CCN6: variants seen among roughly 807,000 people sequenced by gnomAD.
The protein encoded by CCN6 is CCN family member 6.
A neutral mutation model predicts 37.4 loss-of-function variants in CCN6; 31 were observed. That is an observed-to-expected ratio of 0.83 (90% CI 0.62 to 1.12). The LOEUF is 1.12. Among genes scored for constraint, CCN6 ranks in the 50% most tolerant of loss-of-function variants. CCN6 has a pLI of 0.00. For missense variants in CCN6, 369 were observed against 413.8 expected, an observed-to-expected ratio of 0.89 and a Z score of 0.94; for synonymous variants, 137 against 142.1, an observed-to-expected ratio of 0.96 and a Z score of 0.26.
chr6:112,060,180 G>A lies in CCN6; in HGVS notation c.49-811G>A, dbSNP rs587677218. The A allele has an allele frequency of 1.8e-5, 23 of 1,299,216 alleles. No homozygotes were observed. In the South Asian group the frequency reaches 2.8e-4, roughly 16 times the overall value. The allele number at this position is 1,299,216 out of a possible 1,614,324, so 80.5% of individuals were successfully genotyped here. On this transcript the variant is annotated intron_variant, in intron 1 of 4. Transcript: ENST00000368666. ...CACTTTGAATTTTACATGGAAATGG[G>A]AGGCCATGAGGAAGTCACTCCATAT... is the stretch of plus-strand genomic sequence containing the variant.
intron 3 of CCN6, among the ~76,000 whole-genome samples, chr6:112,066,190 A>C (rs1776690342): frequency 6.6e-6 from 1 of 152,184 alleles, no homozygotes; most frequent in Non-Finnish European, 1.5e-5. Context: ...GTGAATTTGC[A>C]TTTACTATAC....
intron 1 of CCN6, 39 bp downstream of exon 1, chr6:112,054,444 A>G (rs1385587960): frequency 6.3e-7 from 1 of 1,596,746 alleles, no homozygotes; most frequent in Non-Finnish European, 8.6e-7. Context: ...TCCGGAGGCT[A>G]TGGCCATCCT....
At position 112,068,230 on chromosome 6, in the gene CCN6, G is replaced by GA. The variant is rs781790231; in HGVS notation, c.624dup (p.Cys209MetfsTer21). 165 of 1,596,858 alleles carry GA rather than the reference G, an allele frequency of 1.0e-4. No individual in the cohort carries two copies. The highest frequency in any genetic ancestry group is 3.3e-4 in the Admixed American group (19 of 58,166). On this transcript the variant is annotated frameshift_variant, in exon 4 of 5. Coordinates refer to ENST00000368666, the MANE Select transcript of CCN6 (RefSeq NM_198239.2). LOFTEE classifies it high-confidence loss of function. ...CTTATAGAAATCTCCCACTTATTTG[G>GA]AAAAAAAAATGTCTTGTGCAAGCAA...
chr6:112,056,523 T>G (rs184579723), intron 1 of CCN6, among the ~76,000 whole-genome samples: 5 of 152,174 alleles, frequency 3.3e-5, no homozygotes, highest in African/African-American at 1.2e-4. Context: ...CTGTTATGAT[T>G]TTCTTTATTT....
chr6:112,065,037 T>A, intron 3 of CCN6, 40 bp downstream of exon 3: 3 of 1,613,066 alleles, frequency 1.9e-6, no homozygotes, highest in Non-Finnish European at 2.5e-6. Flanking sequence ...ATGACCTTGG[T>A]GGTATTCCTT....
At chr6:112,057,388 A>C (rs1776379028) in intron 1 of CCN6, among the ~76,000 whole-genome samples, 1 of 152,210 alleles carries the variant, frequency 6.6e-6, no homozygotes, top group African/African-American at 2.4e-5. Context: ...GTCATTCTGG[A>C]GGGAGGAAGG....
intron 3 of CCN6, chr6:112,066,973 G>C (rs1776714983): frequency 2.2e-6 from 3 of 1,366,186 alleles, no homozygotes; most frequent in Non-Finnish European, 2.9e-6. Flanking sequence ...TTGCAGATGT[G>C]TGCCAAGCTT....
rs200472841 is a variant in CCN6, at chr6:112,065,024, C to T, written c.589+27C>T. Reference sequence around the variant, plus strand: ...TGCTCAGAAGTAGAGCTATTTTTCACGTATGACCTTGGTGGTATTCCTTCA... The same window carrying T: ...TGCTCAGAAGTAGAGCTATTTTTCATGTATGACCTTGGTGGTATTCCTTCA... On this transcript the variant is annotated intron_variant, in intron 3 of 4. Coordinates refer to ENST00000368666, the MANE Select transcript of CCN6 (RefSeq NM_198239.2). 9.4e-4 allele frequency: 1,519 copies of T among 1,613,488 alleles called. 1 individual carries two copies. The highest frequency in any genetic ancestry group is 1.2e-3 in the Non-Finnish European group (1,417 of 1,179,854).
At chr6:112,067,677 T>C (rs1332970615) in intron 3 of CCN6, among the ~76,000 whole-genome samples, 1 of 152,170 alleles carries the variant, frequency 6.6e-6, no homozygotes, top group African/African-American at 2.4e-5. Context: ...TAGTATTAAT[T>C]AGACAGTTTT....
At chr6:112,064,556 GCCTGC>G (rs1369686898) in intron 2 of CCN6, among the ~76,000 whole-genome samples, 194 bp from the exon 3 acceptor site, 1 of 152,116 alleles carries the variant, frequency 6.6e-6, no homozygotes, top group Non-Finnish European at 1.5e-5. Flanking sequence ...GGGGTTTATA[GCCTGC>G]AATATAATAA....
rs797030534 is a variant in CCN6 at position 112,065,622 on chromosome 6, G to A, written c.589+625G>A. The stretch of plus-strand genomic sequence containing the variant: ...CACAAACACACACGCACACACACAC[G>A]CACGCACACACACACACACACAAAC... On this transcript the variant is annotated intron_variant, in intron 3 of 4. Coordinates refer to ENST00000368666, the MANE Select transcript of CCN6 (RefSeq NM_198239.2). Among the ~76,000 whole-genome samples the A allele has an allele frequency of 3.2e-4, 44 of 137,204 alleles. 1 individual carries two copies. The highest frequency in any genetic ancestry group is 1.1e-3 in the South Asian group (5 of 4,358). The allele number at this position is 137,204 out of a possible 152,430, so 90.0% of individuals were successfully genotyped here. A position where few individuals can be genotyped will look rare whatever the true frequency, so the allele number is the denominator to read the frequency against.
At chr6:112,067,401 A>C (rs1308193307) in intron 3 of CCN6, among the ~76,000 whole-genome samples, 1 of 152,136 alleles carries the variant, frequency 6.6e-6, no homozygotes, top group Non-Finnish European at 1.5e-5. Flanking sequence ...GTGACCTTAC[A>C]TGGAAATGGG....
chr6:112,059,937 C>G (rs1419827133), intron 1 of CCN6: 1 of 1,328,842 alleles, frequency 7.5e-7, no homozygotes, highest in Non-Finnish European at 1.0e-6. Flanking sequence ...ATAGGGTGCC[C>G]TTTCACAAAG....
At position 112,068,349 on chromosome 6, in the gene CCN6, G is replaced by C. The variant is rs146519527; in HGVS notation, c.734G>C (p.Arg245Thr). The change falls in exon 4 of 5, where the codon AGA becomes ACA. Residue 245 changes from arginine to threonine, a missense_variant. Transcript: ENST00000368666. ...AACTGTGAAATGAGAAAAGAGAAAA[G>C]ACTGTGTTACATTCAGCCTTGCGAC... ...NSNCEMRKEKRLCYIQPCDSN... is the reference protein window; with the variant it reads ...NSNCEMRKEKTLCYIQPCDSN... 5 of 1,613,106 alleles carry C rather than the reference G, an allele frequency of 3.1e-6. No homozygotes were observed. The highest frequency in any genetic ancestry group is 4.2e-6 in the Non-Finnish European group (5 of 1,179,468).
intron 1 of CCN6, among the ~76,000 whole-genome samples, chr6:112,055,123 G>A (rs57590907): frequency 0.023 from 3,538 of 152,304 alleles, 151 homozygotes; most frequent in African/African-American, 0.082. Context: ...GGTGATTTAG[G>A]AAACATGGGT....
intron 1 of CCN6, among the ~76,000 whole-genome samples, chr6:112,056,746 G>A (rs1027186438): frequency 6.6e-6 from 1 of 152,050 alleles, no homozygotes; most frequent in Non-Finnish European, 1.5e-5. Context: ...TGAACTCCCC[G>A]CCTCAAGTGA....
chr6:112,067,467 A>C (rs12197738), intron 3 of CCN6, among the ~76,000 whole-genome samples: 34,267 of 151,998 alleles, frequency 0.23, 4,103 homozygotes, highest in East Asian at 0.32. Context: ...CCTTAGCAGC[A>C]CATTGGAAGG....
chr6:112,063,560 A>T (rs1776589952), intron 2 of CCN6, among the ~76,000 whole-genome samples: 1 of 152,212 alleles, frequency 6.6e-6, no homozygotes, highest in Non-Finnish European at 1.5e-5. Flanking sequence ...CTCACCAGAA[A>T]AGTCTACATA....
intron 3 of CCN6, among the ~76,000 whole-genome samples, chr6:112,065,620 A>ACACACG (rs1227862461): frequency 5.3e-5 from 7 of 131,046 alleles, no homozygotes; most frequent in African/African-American, 2.1e-4. Flanking sequence ...GCACACACAC[A>ACACACG]CGCACGCACA....
Sources: allele counts gnomAD v4.1 joint callset (sites outside exome capture counted in the v4.1 genomes callset), GRCh38; gene constraint gnomAD v4.1.1; transcripts MANE v1.5; gene names NCBI Gene and HGNC (gene_info 2026-07-23, HGNC 2026-07-21).